SCRT1: variants seen among roughly 807,000 people sequenced by gnomAD.
SCRT1 encodes the protein scratch family transcriptional repressor 1, also known as transcriptional repressor scratch 1.
SCRT1 carries 1 observed loss-of-function variant against 3.4 expected under a neutral mutation model. That is an observed-to-expected ratio of 0.29 (90% CI 0.10 to 1.39). The LOEUF (loss-of-function observed/expected upper bound fraction) is 1.39. SCRT1 is among the 40% of genes most tolerant of loss of function. The pLI is 0.42. For missense variants in SCRT1, 380 were observed against 526.3 expected (o/e 0.72, Z 2.72); for synonymous variants, 238 against 247.0 (o/e 0.96, Z 0.34).
chr8:144,330,979 C>A lies in SCRT1; in HGVS notation c.*2206G>T, dbSNP rs925701139. On this transcript the variant is annotated 3_prime_UTR_variant, in exon 2 of 2. Coordinates refer to ENST00000569446, the MANE Select transcript of SCRT1 (RefSeq NM_031309.6). ...GCGGGGTGTAGGGGGAAGCAGGAGA[C>A]CCTGACGGGCCCACAGCCCTCCAGC... 2.6e-5 allele frequency: 4 copies of A among 152,596 alleles called. No individual in the cohort carries two copies. The allele number at this position is 152,596 out of a possible 1,614,324, so 9.5% of individuals were successfully genotyped here. A position where few individuals can be genotyped will look rare whatever the true frequency, so the allele number is the denominator to read the frequency against.
At position 144,333,209 on chromosome 8, in the gene SCRT1, T is replaced by A. The variant is rs1229172563; in HGVS notation, c.1023A>T (p.Pro341=). 1 of 1,579,576 alleles carries A rather than the reference T, an allele frequency of 6.3e-7. No homozygotes were observed. The highest frequency in any genetic ancestry group is 8.6e-7 in the Non-Finnish European group (1 of 1,165,224). Residue 341 remains proline (P), a synonymous_variant, in exon 2 of 2, where the codon CCA becomes CCT. Transcript: ENST00000569446. ...GAGGPAAPAP[P]QLSPVQA is the part of the protein sequence containing the mutation. ...CCTAGGCCTGCACAGGGCTGAGCTG[T>A]GGCGGCGCAGGAGCCGCGGGGCCTC...
rs1817892459 is a variant in SCRT1, at chr8:144,336,475, C to T, written c.-306G>A. On this transcript the variant is annotated 5_prime_UTR_variant, in exon 1 of 2. Coordinates refer to ENST00000569446, the MANE Select transcript of SCRT1 (RefSeq NM_031309.6). The surrounding 1 kb of genome is among the most constrained non-coding windows in gnomAD (Gnocchi z 6.8). ...CCCTCCTCTGGTCCCGGCTTCCCAG[C>T]CCGCAGTGCCGCCCCTGGACAGGCG... 6.6e-6 allele frequency among the ~76,000 whole-genome samples: 1 copy of T among 151,972 alleles called. No individual in the cohort carries two copies. Among genetic ancestry groups the T allele is most frequent in the Non-Finnish European group, 1.5e-5 (1 of 67,924 alleles).
At position 144,336,021 on chromosome 8, in the gene SCRT1, A is replaced by G. The variant is rs782124222; in HGVS notation, c.115+34T>C. On this transcript the variant is annotated intron_variant, in intron 1 of 1. Transcript: ENST00000569446. This position sits in a 1 kb window ranked among gnomAD's most constrained non-coding sequence, Gnocchi z 6.8. ...CCTCCACCGCTTCCAGCAAAGCCCC[A>G]GGCCCCGCGCCCTGGTCTCAGACCA... is the stretch of plus-strand genomic sequence containing the variant. 4 of 1,454,864 alleles carry G rather than the reference A, an allele frequency of 2.7e-6. No homozygotes were observed. The highest frequency in any genetic ancestry group is 3.7e-6 in the Non-Finnish European group (4 of 1,074,652). 90.1% of individuals were successfully genotyped at this position (1,454,864 alleles called of 1,614,324 possible).
Position 144,333,957 on chromosome 8 carries a change from G to A in SCRT1, c.275C>T (p.Pro92Leu). The part of the protein sequence containing the change: ...AGSAPPPTPR[P>L]ELATAAGGYI... ...GCCGCCCGCAGCGGTGGCCAGCTCC[G>A]GGCGCGGGGTGGGCGGCGGCGCAGA... Residue 92 changes from proline to leucine, a missense_variant, in exon 2 of 2, where the codon CCG (proline) becomes CTG (leucine). Pro to Leu is a moderately conservative substitution (Grantham distance 98). Coordinates refer to ENST00000569446, the MANE Select transcript of SCRT1 (RefSeq NM_031309.6). The A allele has an allele frequency of 1.5e-6, 2 of 1,355,974 alleles. No individual in the cohort carries two copies. Among genetic ancestry groups the A allele is most frequent in the Non-Finnish European group, 1.9e-6 (2 of 1,056,884 alleles). 84.0% of individuals were successfully genotyped at this position (1,355,974 alleles called of 1,614,324 possible). A position where few individuals can be genotyped will look rare whatever the true frequency, so the allele number is the denominator to read the frequency against.
rs528130478 is a variant in SCRT1, at chr8:144,335,350, A to C, written c.115+705T>G. 5.3e-5 allele frequency among the ~76,000 whole-genome samples: 8 copies of C among 151,304 alleles called. No homozygotes were observed. Among genetic ancestry groups the C allele is most frequent in the African/African-American group, 1.9e-4 (8 of 41,108 alleles). ...GTCACATGGACCCACACAGGCTCAC[A>C]CTCCTGCAGGTCACACTTGCTCTGC... On this transcript the variant is annotated intron_variant, in intron 1 of 1. Coordinates refer to ENST00000569446, the MANE Select transcript of SCRT1 (RefSeq NM_031309.6). The surrounding 1 kb of genome is among the most constrained non-coding windows in gnomAD (Gnocchi z 7.7).
In SCRT1 at chr8:144,332,826, C is replaced by T. The variant is rs1363916894; in HGVS notation, c.*359G>A. 4.2e-5 allele frequency: 9 copies of T among 215,106 alleles called. No homozygotes were observed. Among genetic ancestry groups the T allele is most frequent in the Non-Finnish European group, 8.3e-5 (9 of 108,960 alleles). 13.3% of individuals were successfully genotyped at this position (215,106 alleles called of 1,614,324 possible). The stretch of plus-strand genomic sequence containing the variant: ...AGACCTGAGTCCCTGCGACGCGATC[C>T]AGGGGCGCAGAGGCGGGAGAAGGAG... On this transcript the variant is annotated 3_prime_UTR_variant, in exon 2 of 2. Coordinates refer to ENST00000569446, the MANE Select transcript of SCRT1 (RefSeq NM_031309.6).
In SCRT1 at chr8:144,333,120, A is replaced by C; in HGVS notation, c.*65T>G. On this transcript the variant is annotated 3_prime_UTR_variant, in exon 2 of 2. Transcript: ENST00000569446. Reference sequence around the variant, plus strand: ...CCTCCGGCCCCTCCACCCGGACGCCAGCGAAGACTTCCCTGGGGGGCCGTA... The same window carrying C: ...CCTCCGGCCCCTCCACCCGGACGCCCGCGAAGACTTCCCTGGGGGGCCGTA... The C allele has an allele frequency of 7.4e-7, 1 of 1,345,992 alleles. No individual in the cohort carries two copies. The highest frequency in any genetic ancestry group is 9.8e-7 in the Non-Finnish European group (1 of 1,020,928). 83.4% of individuals were successfully genotyped at this position (1,345,992 alleles called of 1,614,324 possible).
Position 144,332,139 on chromosome 8 carries a change from G to A in SCRT1, c.*1046C>T, listed in dbSNP as rs1305734689. 2 of 152,152 alleles carry A rather than the reference G, an allele frequency of 1.3e-5. No homozygotes were observed. The highest frequency in any genetic ancestry group is 4.8e-5 in the African/African-American group (2 of 41,430). The allele number at this position is 152,152 out of a possible 1,614,324, so 9.4% of individuals were successfully genotyped here. Reference sequence around the variant, plus strand: ...AGGCTCCCAGCTAGGGGCGGGCCTCGGGGCGTGGAAAGTAATCCCGGACAT... The same window carrying A: ...AGGCTCCCAGCTAGGGGCGGGCCTCAGGGCGTGGAAAGTAATCCCGGACAT... On this transcript the variant is annotated 3_prime_UTR_variant, in exon 2 of 2. Coordinates refer to ENST00000569446, the MANE Select transcript of SCRT1 (RefSeq NM_031309.6).
rs1817866995 is a variant in SCRT1, at chr8:144,335,076, A to G, written c.116-960T>C. Reference sequence around the variant, plus strand: ...CCCCTCGCGACGCTCTGCCTCCTTCAGGGCTACACCCAGTCTCCCAGCATG... The same window carrying G: ...CCCCTCGCGACGCTCTGCCTCCTTCGGGGCTACACCCAGTCTCCCAGCATG... On this transcript the variant is annotated intron_variant, in intron 1 of 1. Coordinates refer to ENST00000569446, the MANE Select transcript of SCRT1 (RefSeq NM_031309.6). The surrounding 1 kb of genome is among the most constrained non-coding windows in gnomAD (Gnocchi z 7.7). Among the ~76,000 whole-genome samples the G allele has an allele frequency of 6.6e-6, 1 of 152,204 alleles. No individual in the cohort carries two copies. Among genetic ancestry groups the G allele is most frequent in the Non-Finnish European group, 1.5e-5 (1 of 68,040 alleles).
rs1554849416 is a variant in SCRT1 at position 144,330,928 on chromosome 8, G to A, written c.*2257C>T. 2 of 152,540 alleles carry A rather than the reference G, an allele frequency of 1.3e-5. No individual in the cohort carries two copies. The highest frequency in any genetic ancestry group is 4.8e-5 in the African/African-American group (2 of 41,420). 9.4% of individuals were successfully genotyped at this position (152,540 alleles called of 1,614,324 possible). ...TTGTGCTGCTTAGTTATGGGGGCGG[G>A]AGGGGGCCCATGGCTTTCCACGGCG... On this transcript the variant is annotated 3_prime_UTR_variant, in exon 2 of 2. Coordinates refer to ENST00000569446, the MANE Select transcript of SCRT1 (RefSeq NM_031309.6).
At position 144,335,999 on chromosome 8, in the gene SCRT1, C is replaced by G. The variant is rs920079996; in HGVS notation, c.115+56G>C. On this transcript the variant is annotated intron_variant, in intron 1 of 1. Coordinates refer to ENST00000569446, the MANE Select transcript of SCRT1 (RefSeq NM_031309.6). The surrounding 1 kb of genome is among the most constrained non-coding windows in gnomAD (Gnocchi z 7.7). ...CCCTCCGCCCCCACACTCTGGCCCT[C>G]CACCGCTTCCAGCAAAGCCCCAGGC... The G allele has an allele frequency of 1.2e-5, 16 of 1,283,868 alleles. No individual in the cohort carries two copies. The highest frequency in any genetic ancestry group is 1.6e-5 in the Non-Finnish European group (15 of 939,308). 79.5% of individuals were successfully genotyped at this position (1,283,868 alleles called of 1,614,324 possible).
rs1222547988 is a variant in SCRT1 at position 144,335,206 on chromosome 8, C to T, written c.115+849G>A. Among the ~76,000 whole-genome samples, 2 of 152,192 alleles carry T rather than the reference C, an allele frequency of 1.3e-5. No homozygotes were observed. The highest frequency in any genetic ancestry group is 2.9e-5 in the Non-Finnish European group (2 of 68,040). Reference sequence around the variant, plus strand: ...CACATGCAGTCACCCCGGACACACTCTCAAGTCACATGGTGCACAGCGGCC... The same window carrying T: ...CACATGCAGTCACCCCGGACACACTTTCAAGTCACATGGTGCACAGCGGCC... On this transcript the variant is annotated intron_variant, in intron 1 of 1. Coordinates refer to ENST00000569446, the MANE Select transcript of SCRT1 (RefSeq NM_031309.6). The surrounding 1 kb of genome is among the most constrained non-coding windows in gnomAD (Gnocchi z 7.7).
chr8:144,336,102 G>A lies in SCRT1; in HGVS notation c.68C>T (p.Ala23Val). The stretch of plus-strand genomic sequence containing the variant: ...GAGGTCGCTGCGGGCGCGTCCGTAG[G>A]CGCTCTCCAGGTCGGCCGAAGAGAA... ...DAFSSADLES[A>V]YGRARSDLGA... The change falls in exon 1 of 2, where the codon GCC (alanine) becomes GTC (valine). Residue 23 changes from alanine (A) to valine (V), a missense_variant. Around this residue, in one of 5 missense-constraint regions of SCRT1, gnomAD observed 125 missense variants for 132.7 expected, o/e 0.94. Transcript: ENST00000569446. This position sits in a 1 kb window ranked among gnomAD's most constrained non-coding sequence, Gnocchi z 6.8. 1 of 1,610,416 alleles carries A rather than the reference G, an allele frequency of 6.2e-7. No individual in the cohort carries two copies. The highest frequency in any genetic ancestry group is 8.5e-7 in the Non-Finnish European group (1 of 1,178,704).
In SCRT1 at chr8:144,332,932, A is replaced by G; in HGVS notation, c.*253T>C. 1 of 449,464 alleles carries G rather than the reference A, an allele frequency of 2.2e-6. No individual in the cohort carries two copies. Among genetic ancestry groups the G allele is most frequent in the Admixed American group, 4.2e-5 (1 of 23,790 alleles). The allele number at this position is 449,464 out of a possible 1,614,324, so 27.8% of individuals were successfully genotyped here. The stretch of plus-strand genomic sequence containing the variant: ...TTCGGTTCTAGGTCTCGTCGACCCT[A>G]TTGCTGGGAGAAAGCCGGGGGCACC... On this transcript the variant is annotated 3_prime_UTR_variant, in exon 2 of 2. Transcript: ENST00000569446.
rs782161691 is a variant in SCRT1 at position 144,333,220 on chromosome 8, G to A, written c.1012C>T (p.Pro338Ser). 6.4e-5 allele frequency: 102 copies of A among 1,587,714 alleles called. 1 individual carries two copies. The East Asian group carries it at 2.2e-3, about 35-fold the overall frequency. The change falls in exon 2 of 2, where the codon CCT becomes TCT. Residue 338 changes from proline (P) to serine (S), a missense_variant. Transcript: ENST00000569446. ...ACAGGGCTGAGCTGTGGCGGCGCAG[G>A]AGCCGCGGGGCCTCCGGCGCCGCCC... ...FKGGAGGPAA[P>S]APPQLSPVQA
rs1554849527 is a variant in SCRT1, at chr8:144,331,680, C to T, written c.*1505G>A. ...CCCCCGCCCATGGAACCATTACAGC[C>T]GCCGGGCTCTGCCGTGGGGGTCGGG... On this transcript the variant is annotated 3_prime_UTR_variant, in exon 2 of 2. Coordinates refer to ENST00000569446, the MANE Select transcript of SCRT1 (RefSeq NM_031309.6). 1 of 152,196 alleles carries T rather than the reference C, an allele frequency of 6.6e-6. No homozygotes were observed. Among genetic ancestry groups the T allele is most frequent in the African/African-American group, 2.4e-5 (1 of 41,438 alleles). 9.4% of individuals were successfully genotyped at this position (152,196 alleles called of 1,614,324 possible). A position where few individuals can be genotyped will look rare whatever the true frequency, so the allele number is the denominator to read the frequency against.
Position 144,333,798 on chromosome 8 carries a change from G to A in SCRT1, c.434C>T (p.Pro145Leu). Residue 145 changes from proline to leucine, a missense_variant, in exon 2 of 2, where the codon CCC (proline) becomes CTC (leucine). By Grantham distance (98) the Pro-to-Leu change is moderately conservative. Transcript: ENST00000569446. ...AAPSTASAAA[P>L]DGDAGGGGGA... ...GCCCCCGCCTCCGGCGTCGCCGTCG[G>A]GGGCCGCCGCCGAGGCTGTGGAGGG... 1 of 1,215,546 alleles carries A rather than the reference G, an allele frequency of 8.2e-7. No individual in the cohort carries two copies. Among genetic ancestry groups the A allele is most frequent in the Non-Finnish European group, 1.0e-6 (1 of 978,048 alleles). The allele number at this position is 1,215,546 out of a possible 1,614,324, so 75.3% of individuals were successfully genotyped here.
intron 1 of SCRT1, 78 bp from the exon 2 acceptor site, chr8:144,334,194 G>A (rs1817850957): frequency 1.9e-6 from 1 of 538,008 alleles, no homozygotes; most frequent in South Asian, 1.8e-5. Context: ...GGGGGCGGGA[G>A]ACAGCAGACG....
In SCRT1 at chr8:144,331,481, C is replaced by G. The variant is rs1297410630; in HGVS notation, c.*1704G>C. On this transcript the variant is annotated 3_prime_UTR_variant, in exon 2 of 2. Transcript: ENST00000569446. ...AGGGACCTGGTCTCTCTGCATCTGC[C>G]GTTCTTCCCTGGCCCACCCAAGCCG... The G allele has an allele frequency of 6.6e-6, 1 of 152,366 alleles. No individual in the cohort carries two copies. The highest frequency in any genetic ancestry group is 6.5e-5 in the Admixed American group (1 of 15,286). 9.4% of individuals were successfully genotyped at this position (152,366 alleles called of 1,614,324 possible).
Sources: allele counts gnomAD v4.1 joint callset (sites outside exome capture counted in the v4.1 genomes callset), GRCh38; gene constraint gnomAD v4.1.1; regional missense constraint gnomAD v4.1.1; non-coding constraint Gnocchi (gnomAD v3.1); transcripts MANE v1.5; gene names NCBI Gene and HGNC (gene_info 2026-07-23, HGNC 2026-07-21).